The following ANKS1B variants were observed in gnomAD, a reference collection of about 807,000 sequenced individuals.
ANKS1B encodes the protein ankyrin repeat and sterile alpha motif domain-containing protein 1B.
A neutral mutation model predicts 148.3 loss-of-function variants in ANKS1B; 36 were observed. The observed-to-expected ratio is 0.24, with a 90% CI of 0.19 to 0.32. The LOEUF (loss-of-function observed/expected upper bound fraction) is 0.32, where lower values mean the gene tolerates loss of function less well. ANKS1B is among the 10% of genes least tolerant of loss of function. The pLI is 1.00. For synonymous variants in ANKS1B, 542 were observed against 560.8 expected (o/e 0.97, Z 0.47); for missense variants, 1,157 against 1,542.6 (o/e 0.75, Z 4.19).
At chr12:99,233,454 T>C (rs1465667723) in intron 14 of ANKS1B, among the ~76,000 whole-genome samples, 1 of 152,136 alleles carries the variant, frequency 6.6e-6, no homozygotes, top group Non-Finnish European at 1.5e-5. Context: ...GAGTGCATGA[T>C]GATGTAGAAT....
intron 16 of ANKS1B, 71 bp downstream of exon 16, chr12:99,084,854 C>T: frequency 8.2e-7 from 1 of 1,212,376 alleles, no homozygotes; most frequent in Non-Finnish European, 1.2e-6. Flanking sequence ...AATACAAATA[C>T]TCCTTGCATG....
At chr12:98,865,638 G>A (rs373469136) in intron 17 of ANKS1B, among the ~76,000 whole-genome samples, 22 of 152,232 alleles carry the variant, frequency 1.4e-4, no homozygotes, top group South Asian at 6.2e-4. Context: ...GATAAGAATC[G>A]ACGTGTGTGT....
At chr12:99,454,239 C>G (rs1237142586) in intron 10 of ANKS1B, among the ~76,000 whole-genome samples, 1 of 152,136 alleles carries the variant, frequency 6.6e-6, no homozygotes, top group Non-Finnish European at 1.5e-5. Flanking sequence ...TTAAATTTTT[C>G]TATTTAGGAA....
intron 14 of ANKS1B, among the ~76,000 whole-genome samples, chr12:99,189,309 T>C (rs1004978867): frequency 5.3e-5 from 8 of 151,848 alleles, no homozygotes; most frequent in African/African-American, 1.7e-4. Context: ...TTCCAAACAA[T>C]AGAAAAAGAG....
chr12:99,796,264 T>C (rs890879346), intron 4 of ANKS1B, among the ~76,000 whole-genome samples: 11 of 152,112 alleles, frequency 7.2e-5, no homozygotes, highest in African/African-American at 2.6e-4. Context: ...AGAGTTTTCA[T>C]CATGCTACTC....
chr12:99,223,870 C>G (rs556854239), intron 14 of ANKS1B, among the ~76,000 whole-genome samples: 2 of 152,296 alleles, frequency 1.3e-5, no homozygotes, highest in African/African-American at 4.8e-5. Context: ...TTTGACTGTA[C>G]GTTGAACTAT....
intron 10 of ANKS1B, among the ~76,000 whole-genome samples, chr12:99,453,214 C>A (rs540639921): frequency 6.6e-6 from 1 of 151,912 alleles, no homozygotes; most frequent in Non-Finnish European, 1.5e-5. Context: ...GGTGTGAACC[C>A]GGGAAGCAGA....
rs11109732 is a variant in ANKS1B at position 99,124,436 on chromosome 12, A to G, written c.2526+29853T>C. Among the ~76,000 whole-genome samples, 122 of 45,400 alleles carry G rather than the reference A, an allele frequency of 2.7e-3. 3 individuals are homozygous for G. The East Asian group carries it at 0.098, about 37-fold the overall frequency. The allele number at this position is 45,400 out of a possible 152,430, so 29.8% of individuals were successfully genotyped here. ...TGTGTGCATGTGTGTGTGTGTGTGT[A>G]TGTGTGTAAGGCAGAATGGAGTTGT... On this transcript the variant is annotated intron_variant, in intron 15 of 26. Coordinates refer to ENST00000683438, the MANE Select transcript of ANKS1B (RefSeq NM_001352186.2).
intron 1 of ANKS1B, among the ~76,000 whole-genome samples, chr12:99,950,164 T>C (rs2095180488): frequency 6.7e-6 from 1 of 148,436 alleles, no homozygotes; most frequent in Non-Finnish European, 1.5e-5. Flanking sequence ...TCTGTCTGTG[T>C]TGCCCAGGCT....
intron 1 of ANKS1B, among the ~76,000 whole-genome samples, chr12:99,971,208 A>G (rs1347427366): frequency 6.6e-6 from 1 of 152,160 alleles, no homozygotes; most frequent in Non-Finnish European, 1.5e-5. Context: ...TAGTTTAACC[A>G]TTGTTTGTAA....
chr12:98,941,787 T>G (rs2099837205), intron 17 of ANKS1B, among the ~76,000 whole-genome samples: 1 of 152,232 alleles, frequency 6.6e-6, no homozygotes, highest in Non-Finnish European at 1.5e-5. Flanking sequence ...AAATAAATAT[T>G]ATTTTTCTTT....
chr12:98,861,497 C>T (rs918262150), intron 17 of ANKS1B, among the ~76,000 whole-genome samples: 31 of 152,278 alleles, frequency 2.0e-4, no homozygotes, highest in African/African-American at 5.8e-4. Context: ...GAAGACTTCA[C>T]TAGCTTCGCT....
At chr12:99,807,695 T>C (rs2067813161) in intron 3 of ANKS1B, among the ~76,000 whole-genome samples, 1 of 152,124 alleles carries the variant, frequency 6.6e-6, no homozygotes, top group Non-Finnish European at 1.5e-5. Context: ...ATTATCATTA[T>C]CTCCATTTTA....
chr12:99,543,643 A>G (rs2097147201), intron 9 of ANKS1B, among the ~76,000 whole-genome samples: 1 of 152,194 alleles, frequency 6.6e-6, no homozygotes, highest in Admixed American at 6.6e-5. Flanking sequence ...GGAATGAAGT[A>G]CTGATATATT....
intron 14 of ANKS1B, among the ~76,000 whole-genome samples, chr12:99,208,254 T>A (rs955721437): frequency 6.6e-6 from 1 of 152,130 alleles, no homozygotes; most frequent in African/African-American, 2.4e-5. Context: ...ACTAGGTAAC[T>A]TACTGTATTT....
intron 16 of ANKS1B, among the ~76,000 whole-genome samples, chr12:99,067,469 T>TGA (rs1416027034): frequency 6.6e-6 from 1 of 152,196 alleles, no homozygotes; most frequent in Non-Finnish European, 1.5e-5. Flanking sequence ...TGAAGAGGAC[T>TGA]GAGAGCACTT....
At chr12:99,525,447 G>T (rs2096917840) in intron 9 of ANKS1B, among the ~76,000 whole-genome samples, 1 of 152,192 alleles carries the variant, frequency 6.6e-6, no homozygotes, top group South Asian at 2.1e-4. Flanking sequence ...GTAATGGAGG[G>T]AGTGGAGATC....
intron 1 of ANKS1B, among the ~76,000 whole-genome samples, chr12:99,923,407 A>G (rs950123216): frequency 3.3e-5 from 5 of 152,238 alleles, no homozygotes; most frequent in Non-Finnish European, 7.3e-5. Flanking sequence ...AGATAAAGGC[A>G]GAGGTGGGAT....
intron 17 of ANKS1B, among the ~76,000 whole-genome samples, chr12:98,847,698 C>T (rs1199003606): frequency 1.3e-5 from 2 of 152,092 alleles, no homozygotes; most frequent in East Asian, 1.9e-4. Context: ...CGGGTTCAAA[C>T]GATTCTCCTG....
Sources: gnomAD v4.1 joint callset for allele counts (sites outside exome capture counted in the v4.1 genomes callset) on GRCh38, gnomAD v4.1.1 for gene constraint, MANE v1.5 for transcripts, NCBI Gene and HGNC (gene_info 2026-07-23, HGNC 2026-07-21) for gene names.